Variants in PRDM5 observed in about 807,000 individuals in gnomAD.
PRDM5 encodes PR/SET domain 5.
A neutral mutation model predicts 81.2 loss-of-function variants in PRDM5; 56 were observed. The observed-to-expected ratio is 0.69, with a 90% CI of 0.56 to 0.86. The LOEUF is 0.86. PRDM5 is among the 40% of genes least tolerant of loss of function. The pLI is 0.00. For synonymous variants in PRDM5, 267 were observed against 256.4 expected (o/e 1.04, Z -0.39); for missense variants, 697 against 770.1 (o/e 0.91, Z 1.12).
intron 2 of PRDM5, among the ~76,000 whole-genome samples, chr4:120,875,514 G>A (rs775421149): frequency 3.9e-5 from 6 of 152,246 alleles, no homozygotes; most frequent in Non-Finnish European, 7.3e-5. Context: ...AAGCAGAGCT[G>A]TTAGGAAAGC....
Position 120,848,987 on chromosome 4 carries a change from A to T in PRDM5, c.300+4431T>A, listed in dbSNP as rs534239262. On this transcript the variant is annotated intron_variant, in intron 3 of 15. Coordinates refer to ENST00000264808, the MANE Select transcript of PRDM5 (RefSeq NM_018699.4). ...CTTTATCATTTTGTGACAGATTCTT[A>T]AAAAAATTCTAAAAATGCCACTTGT... is the stretch of plus-strand genomic sequence containing the variant. Among the ~76,000 whole-genome samples the T allele has an allele frequency of 2.1e-4, 32 of 152,144 alleles. 1 individual carries two copies. The South Asian group carries it at 6.2e-3, about 30-fold the overall frequency.
rs1360885594 is a variant in PRDM5 at position 120,695,046 on chromosome 4, G to C, written c.*65C>G. 1 of 1,537,064 alleles carries C rather than the reference G, an allele frequency of 6.5e-7. No homozygotes were observed. The highest frequency in any genetic ancestry group is 9.0e-7 in the Non-Finnish European group (1 of 1,111,998). On this transcript the variant is annotated 3_prime_UTR_variant, in exon 16 of 16. Coordinates refer to ENST00000264808, the MANE Select transcript of PRDM5 (RefSeq NM_018699.4). ...TGGCTACTTCTGTTATGCTGATCAGGTGATAAAAATCTGGGATTCATATTA... is the reference window on the plus strand; with the variant it reads ...TGGCTACTTCTGTTATGCTGATCAGCTGATAAAAATCTGGGATTCATATTA...
chr4:120,741,402 T>G (rs1487804529), intron 14 of PRDM5, among the ~76,000 whole-genome samples: 12 of 151,944 alleles, frequency 7.9e-5, no homozygotes, highest in Middle Eastern at 6.8e-3. Flanking sequence ...GGTCAAAATT[T>G]TTGGTTATCA....
At chr4:120,753,997 A>G (rs919862111) in intron 14 of PRDM5, among the ~76,000 whole-genome samples, 4 of 152,210 alleles carry the variant, frequency 2.6e-5, no homozygotes, top group African/African-American at 9.6e-5. Context: ...CAGAATGACA[A>G]TAGTCCAGTG....
At chr4:120,886,336 T>C (rs1763436321) in intron 2 of PRDM5, among the ~76,000 whole-genome samples, 1 of 152,202 alleles carries the variant, frequency 6.6e-6, no homozygotes. Context: ...AAACATTTTT[T>C]CCCAAAACTA....
At chr4:120,896,385 A>G (rs962142341) in intron 2 of PRDM5, 8 of 152,148 alleles carry the variant, frequency 5.3e-5, no homozygotes, top group African/African-American at 1.7e-4. Context: ...ATAAAAATCT[A>G]TTCTATAATA....
At chr4:120,736,421 T>C (rs2149097129) in intron 14 of PRDM5, among the ~76,000 whole-genome samples, 1 of 152,210 alleles carries the variant, frequency 6.6e-6, no homozygotes, top group South Asian at 2.1e-4. Context: ...TAATCGATGA[T>C]TGATGATGCT....
At chr4:120,774,304 G>A (rs17051249) in intron 13 of PRDM5, among the ~76,000 whole-genome samples, 4,731 of 152,242 alleles carry the variant, frequency 0.031, 244 homozygotes, top group African/African-American at 0.1. Flanking sequence ...CGAATAGGTC[G>A]TGACTGTCAC....
intron 14 of PRDM5, among the ~76,000 whole-genome samples, chr4:120,733,272 T>C (rs1740529759): frequency 1.3e-5 from 2 of 152,170 alleles, no homozygotes; most frequent in Non-Finnish European, 2.9e-5. Flanking sequence ...CAATCCTATC[T>C]TCCTGTCCCA....
rs191707495 is a variant in PRDM5 at position 120,845,687 on chromosome 4, C to T, written c.300+7731G>A. Among the ~76,000 whole-genome samples, 157 of 152,218 alleles carry T rather than the reference C, an allele frequency of 1.0e-3. 1 individual carries two copies. Among genetic ancestry groups the T allele is most frequent in the Admixed American group, 2.1e-3 (32 of 15,280 alleles). On this transcript the variant is annotated intron_variant, in intron 3 of 15. Transcript: ENST00000264808. ...GCTAAGACAACATCCATTCTGCAGC[C>T]CATGGATCAAGGATAAATTTCGACT...
intron 14 of PRDM5, among the ~76,000 whole-genome samples, chr4:120,727,036 G>A (rs1739519607): frequency 6.6e-6 from 1 of 152,160 alleles, no homozygotes; most frequent in Admixed American, 6.5e-5. Flanking sequence ...TATTCTAGGT[G>A]GAATGTCATT....
At chr4:120,734,753 A>G (rs1471481858) in intron 14 of PRDM5, among the ~76,000 whole-genome samples, 1 of 152,022 alleles carries the variant, frequency 6.6e-6, no homozygotes, top group Non-Finnish European at 1.5e-5. Flanking sequence ...AGATGTCTCC[A>G]GTGTATTTTC....
intron 14 of PRDM5, among the ~76,000 whole-genome samples, chr4:120,734,654 G>C (rs922329055): frequency 1.3e-5 from 2 of 152,124 alleles, no homozygotes; most frequent in Non-Finnish European, 2.9e-5. Context: ...GTTTTCTCCT[G>C]GTTCTCCTTC....
At chr4:120,907,003 T>TAAA (rs3086696) in intron 2 of PRDM5, among the ~76,000 whole-genome samples, 9,455 of 111,498 alleles carry the variant, frequency 0.085, 509 homozygotes, top group East Asian at 0.29. Flanking sequence ...CCACTTTCTC[T>TAAA]AAAAAAAAAA....
intron 14 of PRDM5, among the ~76,000 whole-genome samples, chr4:120,724,739 A>G (rs2149067960): frequency 6.6e-6 from 1 of 152,350 alleles, no homozygotes; most frequent in African/African-American, 2.4e-5. Context: ...TTATCCCATT[A>G]CACAATTTTG....
intron 2 of PRDM5, among the ~76,000 whole-genome samples, chr4:120,864,867 A>C (rs1440986420): frequency 6.6e-6 from 1 of 152,202 alleles, no homozygotes; most frequent in East Asian, 1.9e-4. Flanking sequence ...CATGTTGTAC[A>C]CACTTCTCTC....
At chr4:120,907,769 G>A (rs545380528) in intron 1 of PRDM5, among the ~76,000 whole-genome samples, 1 of 152,150 alleles carries the variant, frequency 6.6e-6, no homozygotes, top group Non-Finnish European at 1.5e-5. Flanking sequence ...CCACAACATA[G>A]GAGCAACATA....
At chr4:120,816,779 C>CA (rs1754573883) in intron 6 of PRDM5, 53 bp downstream of exon 6, 3 of 1,553,794 alleles carry the variant, frequency 1.9e-6, no homozygotes, top group Non-Finnish European at 2.7e-6. Context: ...AGTATGCATG[C>CA]AAAAAATGAC....
rs529082254 is a variant in PRDM5, at chr4:120,786,649, T to C, written c.1189-1558A>G. Among the ~76,000 whole-genome samples, 5 of 152,236 alleles carry C rather than the reference T, an allele frequency of 3.3e-5. No homozygotes were observed. The South Asian group carries it at 1.0e-3, about 32-fold the overall frequency. ...ACACTTTAAATGTACTAGAAGAAAA[T>C]CCGAGTAAATTTTTAAATAACTTTT... On this transcript the variant is annotated intron_variant, in intron 10 of 15. Transcript: ENST00000264808.
Sources: allele counts gnomAD v4.1 joint callset (sites outside exome capture counted in the v4.1 genomes callset), GRCh38; gene constraint gnomAD v4.1.1; transcripts MANE v1.5; gene names NCBI Gene and HGNC (gene_info 2026-07-23, HGNC 2026-07-21).